The following STX5 variants were observed in gnomAD, a reference collection of about 807,000 sequenced individuals.
STX5 encodes the protein syntaxin 5, also known as syntaxin-5.
STX5 carries 15 observed loss-of-function variants against 42.9 expected under a neutral mutation model. That is an observed-to-expected ratio of 0.35 (90% CI 0.23 to 0.54). The LOEUF is 0.54. Among genes scored for constraint, STX5 ranks in the 20% least tolerant of loss-of-function variants. The pLI, the probability that STX5 is intolerant of heterozygous loss-of-function variation, is 0.91. For synonymous variants in STX5, 184 were observed against 173.2 expected (o/e 1.06, Z -0.49); for missense variants, 430 against 455.0 (o/e 0.95, Z 0.50).
chr11:62,808,362 G>A (rs1456761666), intron 10 of STX5, among the ~76,000 whole-genome samples: 1 of 151,606 alleles, frequency 6.6e-6, no homozygotes, highest in Non-Finnish European at 1.5e-5. Flanking sequence ...GGAGGTTGAG[G>A]AGCTTGATGC....
At chr11:62,816,722 G>GAAAAAA (rs71056565) in intron 10 of STX5, among the ~76,000 whole-genome samples, 1 of 90,194 alleles carries the variant, frequency 1.1e-5, no homozygotes, top group Non-Finnish European at 2.1e-5. Flanking sequence ...CGCCTTTACT[G>GAAAAAA]AAAAAAAAAA....
chr11:62,827,260 G>A, intron 4 of STX5, 35 bp from the exon 5 acceptor site: 1 of 1,613,984 alleles, frequency 6.2e-7, no homozygotes, highest in Non-Finnish European at 8.5e-7. Context: ...AATGGGTGAG[G>A]TCAAGGACAA....
intron 10 of STX5, among the ~76,000 whole-genome samples, chr11:62,823,009 T>C (rs1381803051): frequency 2.0e-5 from 3 of 152,140 alleles, no homozygotes; most frequent in Non-Finnish European, 2.9e-5. Context: ...ATTCTTGCTA[T>C]GGTGAGACTG....
At chr11:62,818,182 T>C (rs1399131346) in intron 10 of STX5, among the ~76,000 whole-genome samples, 9 of 148,044 alleles carry the variant, frequency 6.1e-5, no homozygotes, top group African/African-American at 2.2e-4. Flanking sequence ...GAGGCAGAGG[T>C]TGCAGTGAGC....
rs1342985453 is a variant in STX5, at chr11:62,831,281, T to C, written c.-19-19A>G. ...CCTCGGACTGTTGTGGAGGGGAGAGTGTCATTCCCCAGGCAACTTCTTTAC... is the reference window on the plus strand; with the variant it reads ...CCTCGGACTGTTGTGGAGGGGAGAGCGTCATTCCCCAGGCAACTTCTTTAC... On this transcript the variant is annotated intron_variant, in intron 1 of 10. Transcript: ENST00000294179. 2 of 1,504,638 alleles carry C rather than the reference T, an allele frequency of 1.3e-6. No homozygotes were observed. Among genetic ancestry groups the C allele is most frequent in the African/African-American group, 2.8e-5 (2 of 71,306 alleles). 93.2% of individuals were successfully genotyped at this position (1,504,638 alleles called of 1,614,324 possible). A position where few individuals can be genotyped will look rare whatever the true frequency, so the allele number is the denominator to read the frequency against.
At chr11:62,822,948 C>T (rs1227158221) in intron 10 of STX5, among the ~76,000 whole-genome samples, 1 of 152,118 alleles carries the variant, frequency 6.6e-6, no homozygotes, top group Non-Finnish European at 1.5e-5. Flanking sequence ...CCAGTACACC[C>T]TGTACTTCTC....
chr11:62,829,150 T>G (rs2134858846), intron 2 of STX5, among the ~76,000 whole-genome samples: 1 of 151,982 alleles, frequency 6.6e-6, no homozygotes, highest in South Asian at 2.1e-4. Flanking sequence ...CCCGGCTGGG[T>G]ACGGTGGCTC....
At chr11:62,823,054 G>A (rs371131797) in intron 10 of STX5, among the ~76,000 whole-genome samples, 21 of 152,102 alleles carry the variant, frequency 1.4e-4, no homozygotes, top group Non-Finnish European at 2.4e-4. Context: ...CTGTCTCCTC[G>A]GCCTAGAACA....
In STX5 at chr11:62,831,268, G is replaced by T; in HGVS notation, c.-19-6C>A. Reference sequence around the variant, plus strand: ...TTGAGACGCATAACCTCGGACTGTTGTGGAGGGGAGAGTGTCATTCCCCAG... The same window carrying T: ...TTGAGACGCATAACCTCGGACTGTTTTGGAGGGGAGAGTGTCATTCCCCAG... On this transcript the variant is annotated splice_polypyrimidine_tract_variant and splice_region_variant and intron_variant, in intron 1 of 10. Transcript: ENST00000294179. 1 of 1,539,400 alleles carries T rather than the reference G, an allele frequency of 6.5e-7. No individual in the cohort carries two copies. Among genetic ancestry groups the T allele is most frequent in the Non-Finnish European group, 8.8e-7 (1 of 1,135,862 alleles).
Position 62,824,524 on chromosome 11 carries a change from T to C in STX5, c.721A>G (p.Lys241Glu). 2.5e-6 allele frequency: 4 copies of C among 1,614,174 alleles called. No individual in the cohort carries two copies. Among genetic ancestry groups the C allele is most frequent in the Non-Finnish European group, 3.4e-6 (4 of 1,180,018 alleles). ...VVLGAESHASKDVAIDMMDSR... is the reference protein window; with the variant it reads ...VVLGAESHASEDVAIDMMDSR... ...TCCATCATGTCGATGGCGACATCCT[T>C]GGAGGCATGGGACTCTGCCCCCAGA... Residue 241 changes from lysine to glutamate, a missense_variant, in exon 9 of 11, where the codon AAG becomes GAG. Transcript: ENST00000294179.
chr11:62,811,504 T>C (rs1156769824), intron 10 of STX5, among the ~76,000 whole-genome samples: 1 of 152,190 alleles, frequency 6.6e-6, no homozygotes, highest in Non-Finnish European at 1.5e-5. Flanking sequence ...TACCAAGTTC[T>C]TTCTCATTTC....
chr11:62,814,628 ATTTT>A (rs59288995), intron 10 of STX5, among the ~76,000 whole-genome samples: 3 of 136,554 alleles, frequency 2.2e-5, no homozygotes, highest in Non-Finnish European at 4.8e-5. Flanking sequence ...CGCTCAGCTA[ATTTT>A]TTTTTTTTTT....
intron 10 of STX5, among the ~76,000 whole-genome samples, chr11:62,808,405 G>T (rs551675365): frequency 1.3e-5 from 2 of 150,696 alleles, no homozygotes; most frequent in Non-Finnish European, 2.9e-5. Flanking sequence ...ACTCCAGCAT[G>T]GGTGACATAG....
intron 10 of STX5, among the ~76,000 whole-genome samples, chr11:62,819,684 C>T (rs146888459): frequency 2.6e-4 from 39 of 151,742 alleles, no homozygotes; most frequent in African/African-American, 8.0e-4. Flanking sequence ...TGCATCACCA[C>T]GCCCAGCTTG....
At chr11:62,830,530 G>C (rs2084844809) in intron 2 of STX5, 2 of 456,450 alleles carry the variant, frequency 4.4e-6, no homozygotes, top group South Asian at 1.5e-5. Flanking sequence ...CCTGTTGACA[G>C]AGTTGAAAAA....
chr11:62,814,467 C>CT (rs35408833), intron 10 of STX5, among the ~76,000 whole-genome samples: 9 of 147,078 alleles, frequency 6.1e-5, no homozygotes, highest in African/African-American at 2.0e-4. Flanking sequence ...GGGACTCTTC[C>CT]TTTTTTTTTT....
At chr11:62,816,292 A>C (rs1402989320) in intron 10 of STX5, among the ~76,000 whole-genome samples, 3 of 152,114 alleles carry the variant, frequency 2.0e-5, no homozygotes, top group Non-Finnish European at 2.9e-5. Flanking sequence ...TATTTTAAAA[A>C]ATTTTTTAGA....
Position 62,807,504 on chromosome 11 carries a change from C to T in STX5, c.1033G>A (p.Val345Ile), listed in dbSNP as rs748834435. The T allele has an allele frequency of 1.6e-5, 26 of 1,614,076 alleles. No individual in the cohort carries two copies. The highest frequency in any genetic ancestry group is 2.1e-5 in the Non-Finnish European group (25 of 1,180,016). The change falls in exon 11 of 11, where the codon GTC (valine) becomes ATC (isoleucine). Residue 345 changes from valine to isoleucine, a missense_variant. Physicochemically the swap from Val to Ile is conservative, Grantham distance 29. Transcript: ENST00000294179. ...LMVKIFLILI[V>I]FFIIFVVFLA is the part of the protein sequence containing the mutation. ...AAGACCACAAAGATGATGAAGAAGA[C>T]AATGAGGATGAGGAAGATTTTGACC...
In STX5 at chr11:62,824,716, TG is replaced by T. The variant is rs1265920154; in HGVS notation, c.680-152del. Reference sequence around the variant, plus strand: ...CTCTCTGAGCCTCAGTTTCCTCACCTGTAAAATGGGGGATAATAATAGTTGC... The same window carrying T: ...CTCTCTGAGCCTCAGTTTCCTCACCTTAAAATGGGGGATAATAATAGTTGC... On this transcript the variant is annotated intron_variant, in intron 8 of 10. Coordinates refer to ENST00000294179, the MANE Select transcript of STX5 (RefSeq NM_003164.5). 2.4e-5 allele frequency: 17 copies of T among 698,540 alleles called. No individual in the cohort carries two copies. The African/African-American group carries it at 2.9e-4, about 12-fold the overall frequency. 43.3% of individuals were successfully genotyped at this position (698,540 alleles called of 1,614,324 possible).
Sources: gnomAD v4.1 joint callset for allele counts (sites outside exome capture counted in the v4.1 genomes callset) on GRCh38, gnomAD v4.1.1 for gene constraint, MANE v1.5 for transcripts, NCBI Gene and HGNC (gene_info 2026-07-23, HGNC 2026-07-21) for gene names.